Variants in TECRL observed in about 807,000 individuals in gnomAD.
TECRL encodes trans-2,3-enoyl-CoA reductase like.
Under a neutral mutation model 52.8 loss-of-function variants are expected in TECRL, and 63 were observed. The ratio of observed to expected loss-of-function variants is 1.19; its 90% CI spans 0.97 to 1.47. The LOEUF (loss-of-function observed/expected upper bound fraction) is 1.47. Ranked by LOEUF, TECRL falls within the 40% of genes most tolerant of loss-of-function variation. The pLI, the probability that TECRL is intolerant of heterozygous loss-of-function variation, is 0.00. For missense variants in TECRL, 482 were observed against 429.6 expected (o/e 1.12, Z -1.08); for synonymous variants, 164 against 141.9 (o/e 1.16, Z -1.10).
At chr4:64,332,389 C>T (rs1718706730) in intron 2 of TECRL, among the ~76,000 whole-genome samples, 1 of 152,176 alleles carries the variant, frequency 6.6e-6, no homozygotes, top group South Asian at 2.1e-4. Flanking sequence ...CAAAGTCCAG[C>T]CTTACTGCTG....
chr4:64,408,996 G>C, intron 1 of TECRL, 122 bp downstream of exon 1: 1 of 897,398 alleles, frequency 1.1e-6, no homozygotes, highest in East Asian at 2.7e-5. Flanking sequence ...ACAAAATTAA[G>C]GTAAAAGTCA....
intron 1 of TECRL, among the ~76,000 whole-genome samples, chr4:64,383,360 T>A (rs1722952737): frequency 6.6e-6 from 1 of 152,084 alleles, no homozygotes; most frequent in African/African-American, 2.4e-5. Flanking sequence ...TTTCTATGCT[T>A]TTTTTTGTCT....
intron 2 of TECRL, among the ~76,000 whole-genome samples, chr4:64,343,752 G>C (rs1719747648): frequency 6.6e-6 from 1 of 151,966 alleles, no homozygotes; most frequent in Admixed American, 6.6e-5. Flanking sequence ...TCTACTCATG[G>C]AAGAATGATT....
intron 2 of TECRL, among the ~76,000 whole-genome samples, chr4:64,367,582 A>C (rs1721687236): frequency 6.6e-6 from 1 of 152,104 alleles, no homozygotes; most frequent in African/African-American, 2.4e-5. Flanking sequence ...TATACAGCGA[A>C]ATAAATTTGA....
intron 7 of TECRL, among the ~76,000 whole-genome samples, chr4:64,302,400 G>C (rs1724075182): frequency 6.6e-6 from 1 of 151,232 alleles, no homozygotes; most frequent in Non-Finnish European, 1.5e-5. Flanking sequence ...GAGCAAAGAA[G>C]AGCAGTGTCA....
Position 64,280,000 on chromosome 4 carries a change from A to G in TECRL, c.*72T>C. On this transcript the variant is annotated 3_prime_UTR_variant, in exon 12 of 12. Transcript: ENST00000381210. ...CATGAATTGTTGGAGTATAATAGTT[A>G]ACTATCCTTAACTAAGTCTTATTTA... 6.7e-7 allele frequency: 1 copy of G among 1,498,776 alleles called. No homozygotes were observed. The highest frequency in any genetic ancestry group is 1.3e-5 in the South Asian group (1 of 76,856). 92.8% of individuals were successfully genotyped at this position (1,498,776 alleles called of 1,614,324 possible). A position where few individuals can be genotyped will look rare whatever the true frequency, so the allele number is the denominator to read the frequency against.
At position 64,280,178 on chromosome 4, in the gene TECRL, A is replaced by C; in HGVS notation, c.986T>G (p.Met329Arg). 6.5e-7 allele frequency: 1 copy of C among 1,540,416 alleles called. No individual in the cohort carries two copies. The highest frequency in any genetic ancestry group is 8.7e-7 in the Non-Finnish European group (1 of 1,147,444). Residue 329 changes from methionine (M) to arginine (R), a missense_variant, in exon 12 of 12, where the codon ATG becomes AGG. Transcript: ENST00000381210. ...TGCCCACAAAGACATCTGGATACTCATCAGAAGTGTAAAAATTCCAACTAG... is the reference window on the plus strand; with the variant it reads ...TGCCCACAAAGACATCTGGATACTCCTCAGAAGTGTAAAAATTCCAACTAG... The part of the protein sequence containing the change: ...TLPVGIFTLL[M>R]SIQMSLWAQK...
intron 2 of TECRL, among the ~76,000 whole-genome samples, chr4:64,329,365 A>G (rs1718474774): frequency 6.6e-6 from 1 of 151,894 alleles, no homozygotes; most frequent in Non-Finnish European, 1.5e-5. Context: ...TTTTTTTTCA[A>G]TACATTCATG....
intron 1 of TECRL, among the ~76,000 whole-genome samples, chr4:64,394,987 A>AG (rs1483256853): frequency 7.1e-6 from 1 of 140,678 alleles, no homozygotes; most frequent in African/African-American, 2.7e-5. Context: ...ATCTCAGCTC[A>AG]CCACAACCTT....
At chr4:64,361,332 C>A (rs1721180247) in intron 2 of TECRL, among the ~76,000 whole-genome samples, 2 of 152,134 alleles carry the variant, frequency 1.3e-5, no homozygotes. Context: ...AACCTGTCAT[C>A]ATCCCACCAA....
At chr4:64,282,361 T>C (rs1052911392) in intron 9 of TECRL, among the ~76,000 whole-genome samples, 8 of 152,040 alleles carry the variant, frequency 5.3e-5, no homozygotes, top group African/African-American at 1.4e-4. Context: ...AGCTAAACTC[T>C]TTTACTTATA....
chr4:64,282,518 T>C (rs961088640), intron 9 of TECRL, among the ~76,000 whole-genome samples: 57 of 151,972 alleles, frequency 3.8e-4, no homozygotes, highest in Admixed American at 9.9e-4. Context: ...TTATTACTGA[T>C]TTTTTACAGC....
intron 1 of TECRL, among the ~76,000 whole-genome samples, chr4:64,408,345 T>C (rs1193737640): frequency 6.6e-6 from 1 of 152,060 alleles, no homozygotes; most frequent in East Asian, 1.9e-4. Flanking sequence ...TGTACAAATA[T>C]GCCTTTCTCA....
At chr4:64,333,238 T>C (rs985979015) in intron 2 of TECRL, among the ~76,000 whole-genome samples, 2 of 152,088 alleles carry the variant, frequency 1.3e-5, no homozygotes, top group African/African-American at 4.8e-5. Context: ...ATTAAATTAA[T>C]AGAAGAGTTC....
intron 2 of TECRL, among the ~76,000 whole-genome samples, chr4:64,361,820 C>T (rs1275867181): frequency 6.6e-6 from 1 of 152,080 alleles, no homozygotes; most frequent in African/African-American, 2.4e-5. Flanking sequence ...TTCATACCTC[C>T]AAAAACCTGC....
chr4:64,355,624 G>A (rs190072278), intron 2 of TECRL, among the ~76,000 whole-genome samples: 1,669 of 151,486 alleles, frequency 0.011, 12 homozygotes, highest in Non-Finnish European at 0.019. Flanking sequence ...CAGTGAAACC[G>A]AGTCTCTACT....
intron 2 of TECRL, among the ~76,000 whole-genome samples, chr4:64,339,866 C>G (rs1013533717): frequency 1.3e-5 from 2 of 152,150 alleles, no homozygotes; most frequent in African/African-American, 4.8e-5. Flanking sequence ...TTTTCACGAT[C>G]ATAAATTCCT....
In TECRL at chr4:64,340,911, C is replaced by T. The variant is rs567935323; in HGVS notation, c.287-12355G>A. Among the ~76,000 whole-genome samples the T allele has an allele frequency of 1.8e-4, 28 of 152,254 alleles. 1 individual carries two copies. Among genetic ancestry groups the T allele is most frequent in the African/African-American group, 4.8e-4 (20 of 41,576 alleles). ...AGGCTCAGGCAGAGCTGAGGAGAGG[C>T]GGGAACTACCAGCTGCAGAGAGGAA... On this transcript the variant is annotated intron_variant, in intron 2 of 11. Transcript: ENST00000381210.
intron 1 of TECRL, among the ~76,000 whole-genome samples, chr4:64,381,339 CAACTT>C (rs1255600073): frequency 4.0e-5 from 6 of 150,894 alleles, no homozygotes; most frequent in Non-Finnish European, 7.4e-5. Flanking sequence ...CTACAAAGGA[CAACTT>C]AACTTCCACA....
Sources: gnomAD v4.1 joint callset for allele counts (sites outside exome capture counted in the v4.1 genomes callset) on GRCh38, gnomAD v4.1.1 for gene constraint, MANE v1.5 for transcripts, NCBI Gene and HGNC (gene_info 2026-07-23, HGNC 2026-07-21) for gene names.